The following MAP7 variants were observed in gnomAD, a reference collection of about 807,000 sequenced individuals.
The protein encoded by MAP7 is ensconsin.
Under a neutral mutation model 94.8 loss-of-function variants are expected in MAP7, and 52 were observed. That is an observed-to-expected ratio of 0.55 (90% CI 0.44 to 0.69). The LOEUF (loss-of-function observed/expected upper bound fraction) is 0.69, where lower values mean the gene tolerates loss of function less well. Ranked by LOEUF, MAP7 falls within the 30% of genes least tolerant of loss-of-function variation. The pLI is 0.00. For synonymous variants in MAP7, 350 were observed against 357.0 expected (o/e 0.98, Z 0.22); for missense variants, 940 against 964.6 (o/e 0.97, Z 0.34).
intron 1 of MAP7, among the ~76,000 whole-genome samples, chr6:136,516,192 A>C (rs1054563507): frequency 6.6e-6 from 1 of 151,426 alleles, no homozygotes; most frequent in African/African-American, 2.4e-5. Context: ...ACAAGGTCTC[A>C]CTCTGCTGCC....
intron 16 of MAP7, among the ~76,000 whole-genome samples, chr6:136,347,631 C>T (rs1788051235): frequency 6.6e-6 from 1 of 152,132 alleles, no homozygotes; most frequent in Non-Finnish European, 1.5e-5. Flanking sequence ...GTCTCGAACT[C>T]CTGGCCTCGA....
chr6:136,357,055 A>G (rs974662571), intron 15 of MAP7, among the ~76,000 whole-genome samples: 3 of 152,224 alleles, frequency 2.0e-5, no homozygotes, highest in African/African-American at 7.2e-5. Flanking sequence ...GGAAGGGCAA[A>G]GTATTATTAT....
chr6:136,403,076 C>G (rs1395197831), intron 3 of MAP7, among the ~76,000 whole-genome samples: 2 of 152,090 alleles, frequency 1.3e-5, no homozygotes, highest in African/African-American at 4.8e-5. Flanking sequence ...AGCCTTAACC[C>G]TAAGTACTTT....
At chr6:136,523,874 CT>C (rs1165877901) in intron 1 of MAP7, among the ~76,000 whole-genome samples, 1 of 152,040 alleles carries the variant, frequency 6.6e-6, no homozygotes, top group East Asian at 1.9e-4. Flanking sequence ...CTTTCTCTTC[CT>C]TTTTAAAAAA....
intron 13 of MAP7, 92 bp from the exon 14 acceptor site, chr6:136,360,123 G>T: frequency 9.6e-7 from 1 of 1,038,444 alleles, no homozygotes; most frequent in Non-Finnish European, 1.4e-6. Context: ...ATTTAAAATG[G>T]TCTGTTATTT....
At chr6:136,473,686 G>C (rs904037780) in intron 1 of MAP7, among the ~76,000 whole-genome samples, 6 of 152,172 alleles carry the variant, frequency 3.9e-5, no homozygotes, top group Non-Finnish European at 7.3e-5. Flanking sequence ...TGCCTATAGA[G>C]TTGTACAAAC....
chr6:136,432,963 C>T (rs1308391434), intron 1 of MAP7, among the ~76,000 whole-genome samples: 1 of 152,098 alleles, frequency 6.6e-6, no homozygotes, highest in Non-Finnish European at 1.5e-5. Context: ...TGGTCTCAAA[C>T]TTCTGGCCTC....
intron 2 of MAP7, 36 bp from the exon 3 acceptor site, chr6:136,411,733 G>C: frequency 8.4e-6 from 12 of 1,423,912 alleles, no homozygotes; most frequent in East Asian, 2.5e-5. Flanking sequence ...GAGATGAAGA[G>C]TGGATTAAAA....
At chr6:136,523,794 C>T (rs1011603551) in intron 1 of MAP7, among the ~76,000 whole-genome samples, 1 of 152,104 alleles carries the variant, frequency 6.6e-6, no homozygotes, top group African/African-American at 2.4e-5. Context: ...TTGATTAAGT[C>T]TCTCTTATCC....
intron 1 of MAP7, among the ~76,000 whole-genome samples, chr6:136,452,298 A>G (rs909374610): frequency 2.0e-5 from 3 of 152,220 alleles, no homozygotes; most frequent in African/African-American, 7.2e-5. Context: ...GTTTCTTAAG[A>G]TGGAAGCTAC....
chr6:136,361,044 C>T lies in MAP7; in HGVS notation c.1662G>A (p.Ala554=). The T allele has an allele frequency of 8.2e-6, 13 of 1,585,610 alleles. No individual in the cohort carries two copies. The highest frequency in any genetic ancestry group is 1.1e-5 in the Non-Finnish European group (13 of 1,171,892). The change falls in exon 12 of 18, where the codon GCG becomes GCA. Residue 554 remains alanine (A), a synonymous_variant. Coordinates refer to ENST00000354570, the MANE Select transcript of MAP7 (RefSeq NM_003980.6). Reference sequence around the variant, plus strand: ...GCTCTGCCTCCTCCCGCTCGCGCAGCGCCCGCTCCTCCGCCTGCCGCTGCA... The same window carrying T: ...GCTCTGCCTCCTCCCGCTCGCGCAGTGCCCGCTCCTCCGCCTGCCGCTGCA... The part of the protein sequence containing the change: ...EQLQRQAEER[A]LREREEAERA...
chr6:136,474,200 G>C (rs1367204572), intron 1 of MAP7, among the ~76,000 whole-genome samples: 2 of 152,090 alleles, frequency 1.3e-5, no homozygotes, highest in African/African-American at 4.8e-5. Context: ...ACAAATGCAG[G>C]GAATTGTAGT....
chr6:136,456,809 A>AAAAG (rs1562422182), intron 1 of MAP7, among the ~76,000 whole-genome samples: 1 of 87,266 alleles, frequency 1.1e-5, no homozygotes, highest in African/African-American at 3.9e-5. Flanking sequence ...AAGAAGAAGA[A>AAAAG]GAAGAAGAAG....
intron 3 of MAP7, among the ~76,000 whole-genome samples, chr6:136,402,001 T>C (rs1183801887): frequency 6.6e-6 from 1 of 152,218 alleles, no homozygotes; most frequent in Non-Finnish European, 1.5e-5. Flanking sequence ...GTCATTGTCG[T>C]GCTTGAAAAC....
chr6:136,526,645 G>C (rs919008657), intron 1 of MAP7: 66 of 985,516 alleles, frequency 6.7e-5, no homozygotes, highest in Non-Finnish European at 7.7e-5. Flanking sequence ...TCCTCTCAGC[G>C]GCAGCGCAGC....
At chr6:136,402,927 A>G (rs60234892) in intron 3 of MAP7, among the ~76,000 whole-genome samples, 11 of 147,334 alleles carry the variant, frequency 7.5e-5, no homozygotes, top group African/African-American at 2.6e-4. Flanking sequence ...AAAAAAAAAA[A>G]AAAAAAAAAA....
At chr6:136,474,874 C>T (rs571440951) in intron 1 of MAP7, among the ~76,000 whole-genome samples, 3 of 152,136 alleles carry the variant, frequency 2.0e-5, no homozygotes, top group African/African-American at 7.2e-5. Flanking sequence ...CACCATTATG[C>T]TTGGCTAATT....
intron 1 of MAP7, among the ~76,000 whole-genome samples, chr6:136,450,257 A>G (rs1287423968): frequency 6.6e-6 from 1 of 152,230 alleles, no homozygotes; most frequent in African/African-American, 2.4e-5. Context: ...AATTCTAAGT[A>G]GAAAAAGTAA....
In MAP7 at chr6:136,469,369, C is replaced by CCTTT. The variant is rs945118632; in HGVS notation, c.68-47574_68-47571dup. ...TTTCTTGCTTGCTTGCTTTCTCTTTCCTTTCTTTCTCTCTCTTTCTCTCTT... is the reference window on the plus strand; with the variant it reads ...TTTCTTGCTTGCTTGCTTTCTCTTTCCTTTCTTTCTTTCTCTCTCTTTCTCTCTT... On this transcript the variant is annotated intron_variant, in intron 1 of 17. Coordinates refer to ENST00000354570, the MANE Select transcript of MAP7 (RefSeq NM_003980.6). 2.7e-5 allele frequency among the ~76,000 whole-genome samples: 4 copies of CCTTT among 147,158 alleles called. No individual in the cohort carries two copies. The South Asian group carries it at 7.1e-4, about 26-fold the overall frequency.
Sources: allele counts gnomAD v4.1 joint callset (sites outside exome capture counted in the v4.1 genomes callset), GRCh38; gene constraint gnomAD v4.1.1; transcripts MANE v1.5; gene names NCBI Gene and HGNC (gene_info 2026-07-23, HGNC 2026-07-21).